ASIC2: variants seen among roughly 807,000 people sequenced by gnomAD.
The protein encoded by ASIC2 is acid sensing ion channel subunit 2, also known as acid-sensing ion channel 2.
ASIC2 carries 25 observed loss-of-function variants against 57.3 expected under a neutral mutation model. That is an observed-to-expected ratio of 0.44 (90% confidence interval 0.32 to 0.61). The LOEUF (loss-of-function observed/expected upper bound fraction) is 0.61, where lower values mean the gene tolerates loss of function less well. Ranked by LOEUF, ASIC2 falls within the 20% of genes least tolerant of loss-of-function variation. The probability of loss-of-function intolerance (pLI) is 0.06; values close to 1 mark genes in which losing one functional copy is unlikely to be tolerated. For missense variants in ASIC2, 641 were observed against 738.1 expected (o/e 0.87, Z 1.52); for synonymous variants, 319 against 307.5 (o/e 1.04, Z -0.39).
At chr17:33,386,683 G>T (rs1189342128) in intron 1 of ASIC2, among the ~76,000 whole-genome samples, 1 of 152,150 alleles carries the variant, frequency 6.6e-6, no homozygotes, top group African/African-American at 2.4e-5. Flanking sequence ...CTGCTCTATG[G>T]TTTTTAACCT....
chr17:33,881,490 A>G (rs910704349), intron 1 of ASIC2, among the ~76,000 whole-genome samples: 1 of 152,242 alleles, frequency 6.6e-6, no homozygotes, highest in Non-Finnish European at 1.5e-5. Flanking sequence ...GAGCCAAATC[A>G]TGAGTGAACT....
chr17:34,015,804 AAAAC>A (rs1028086944), intron 1 of ASIC2, among the ~76,000 whole-genome samples: 44 of 152,362 alleles, frequency 2.9e-4, no homozygotes, highest in African/African-American at 9.1e-4. Context: ...AACAAAATAA[AAAAC>A]AAACAAACAA....
At chr17:33,293,362 G>C (rs573936121), upstream of ASIC2, among the ~76,000 whole-genome samples, 3 of 152,284 alleles carry the variant, frequency 2.0e-5, no homozygotes, top group South Asian at 6.2e-4. Context: ...GACGCGCCCG[G>C]CTCCTCCTCG....
intron 1 of ASIC2, among the ~76,000 whole-genome samples, chr17:33,537,728 A>G (rs963502364): frequency 5.3e-5 from 8 of 152,224 alleles, no homozygotes; most frequent in Admixed American, 3.9e-4. Context: ...ACTATGTCCA[A>G]GGACCACAGG....
intron 1 of ASIC2, among the ~76,000 whole-genome samples, chr17:34,047,251 T>C (rs1271106749): frequency 1.3e-5 from 2 of 151,996 alleles, no homozygotes; most frequent in Admixed American, 6.6e-5. Flanking sequence ...TCAACATATA[T>C]ATAATGAGCA....
chr17:33,050,132 G>A (rs1598253381), intron 3 of ASIC2, among the ~76,000 whole-genome samples: 1 of 152,326 alleles, frequency 6.6e-6, no homozygotes, highest in Non-Finnish European at 1.5e-5. Flanking sequence ...CAACTGAGAC[G>A]ATGTAACCTG....
At chr17:33,525,456 T>G (rs1314031625) in intron 1 of ASIC2, among the ~76,000 whole-genome samples, 1 of 152,178 alleles carries the variant, frequency 6.6e-6, no homozygotes, top group Non-Finnish European at 1.5e-5. Context: ...GGACCCTATC[T>G]TCTGCAGGAA....
intron 1 of ASIC2, among the ~76,000 whole-genome samples, chr17:33,483,754 T>G (rs1913489933): frequency 6.6e-6 from 1 of 152,222 alleles, no homozygotes; most frequent in African/African-American, 2.4e-5. Flanking sequence ...GAAGCTGGGA[T>G]GAAATCAGCA....
At chr17:33,306,123 T>A (rs1906160945) in intron 1 of ASIC2, among the ~76,000 whole-genome samples, 1 of 152,242 alleles carries the variant, frequency 6.6e-6, no homozygotes, top group South Asian at 2.1e-4. Context: ...CCACATTTTT[T>A]TCCCTGAAGG....
intron 1 of ASIC2, among the ~76,000 whole-genome samples, chr17:33,225,571 T>G (rs1432524474): frequency 6.6e-6 from 1 of 152,218 alleles, no homozygotes; most frequent in Non-Finnish European, 1.5e-5. Flanking sequence ...AGTGGCTATC[T>G]AGTCATTTCT....
chr17:33,519,400 G>A (rs541541341), intron 1 of ASIC2, among the ~76,000 whole-genome samples: 7 of 152,154 alleles, frequency 4.6e-5, no homozygotes, highest in Non-Finnish European at 7.4e-5. Context: ...TCGGGCTTGT[G>A]GGGCAGCTTT....
intron 1 of ASIC2, among the ~76,000 whole-genome samples, chr17:33,490,634 A>T (rs1913724361): frequency 6.6e-6 from 1 of 152,130 alleles, no homozygotes; most frequent in Non-Finnish European, 1.5e-5. Flanking sequence ...CTAAGATGTG[A>T]CTTTGCTTCT....
intron 1 of ASIC2, among the ~76,000 whole-genome samples, chr17:33,347,013 AGT>A (rs1380931641): frequency 6.6e-6 from 1 of 152,190 alleles, no homozygotes; most frequent in Non-Finnish European, 1.5e-5. Context: ...AGTTTGATGG[AGT>A]GTGTGTGCTT....
chr17:33,854,068 T>C (rs564749322), intron 1 of ASIC2, among the ~76,000 whole-genome samples: 2 of 152,314 alleles, frequency 1.3e-5, no homozygotes, highest in African/African-American at 4.8e-5. Context: ...TCAACAAAAG[T>C]CTATTCTGGT....
chr17:33,913,560 C>G (rs533583412), intron 1 of ASIC2, among the ~76,000 whole-genome samples: 30 of 152,276 alleles, frequency 2.0e-4, no homozygotes, highest in Middle Eastern at 3.4e-3. Flanking sequence ...CAGGACTTCA[C>G]TACCATTAGC....
chr17:33,674,191 C>T (rs1244345741), intron 1 of ASIC2, among the ~76,000 whole-genome samples: 2 of 152,140 alleles, frequency 1.3e-5, no homozygotes, highest in East Asian at 3.9e-4. Flanking sequence ...CCGAGCCTGG[C>T]CCGTGTCTTT....
chr17:33,414,812 G>A (rs753623138), intron 1 of ASIC2, among the ~76,000 whole-genome samples: 15 of 152,166 alleles, frequency 9.9e-5, no homozygotes, highest in Non-Finnish European at 2.1e-4. Context: ...ATCTTTTAAT[G>A]TTCCCCAGAT....
At chr17:33,968,538 T>C (rs57932203) in intron 1 of ASIC2, among the ~76,000 whole-genome samples, 31,561 of 152,022 alleles carry the variant, frequency 0.21, 3,424 homozygotes, top group Non-Finnish European at 0.25. Flanking sequence ...CCCAGAGAGA[T>C]TGGGGAGAGG....
chr17:33,905,573 A>G (rs1915330342), intron 1 of ASIC2, among the ~76,000 whole-genome samples: 1 of 152,182 alleles, frequency 6.6e-6, no homozygotes, highest in South Asian at 2.1e-4. Flanking sequence ...ATAATATGCA[A>G]AGTAGGGATG....
Sources: gnomAD v4.1 joint callset for allele counts (sites outside exome capture counted in the v4.1 genomes callset) on GRCh38, gnomAD v4.1.1 for gene constraint, MANE v1.5 for transcripts, NCBI Gene and HGNC (gene_info 2026-07-23, HGNC 2026-07-21) for gene names.